RUNX1: variants seen among roughly 807,000 people sequenced by gnomAD.
RUNX1 encodes the protein runt-related transcription factor 1.
In RUNX1, 19 loss-of-function variants were observed where a neutral mutation model predicts 42.8. That is an observed-to-expected ratio of 0.44 (90% CI 0.31 to 0.65). The LOEUF (loss-of-function observed/expected upper bound fraction) is 0.65, where lower values mean the gene tolerates loss of function less well. RUNX1 is among the 30% of genes least tolerant of loss of function. The probability of loss-of-function intolerance (pLI) is 0.07; values close to 1 mark genes in which losing one functional copy is unlikely to be tolerated. For missense variants in RUNX1, 528 were observed against 672.0 expected (o/e 0.79, Z 2.37); for synonymous variants, 271 against 289.4 (o/e 0.94, Z 0.64).
rs1430566487 is a variant in RUNX1, at chr21:34,794,129, CTAATG to C, written c.968-1524_968-1520del. Among the ~76,000 whole-genome samples the C allele has an allele frequency of 3.3e-5, 5 of 152,084 alleles. No individual in the cohort carries two copies. The South Asian group carries it at 6.2e-4, about 19-fold the overall frequency. On this transcript the variant is annotated intron_variant, in intron 8 of 8. Transcript: ENST00000675419. ...TAATATAGCAGATGATAATTTGACA[CTAATG>C]TAAAGGATGCACAAATATGTTACTA...
intron 4 of RUNX1, among the ~76,000 whole-genome samples, chr21:34,881,960 T>C (rs1033671202): frequency 1.8e-4 from 28 of 152,244 alleles, no homozygotes; most frequent in Admixed American, 1.7e-3. Flanking sequence ...TGACATTCTT[T>C]ACGGTAAAGT....
chr21:34,848,417 G>A (rs981210730), intron 6 of RUNX1, among the ~76,000 whole-genome samples: 1 of 152,180 alleles, frequency 6.6e-6, no homozygotes, highest in Non-Finnish European at 1.5e-5. Context: ...CTCGCTCACC[G>A]AGGCTACCTG....
chr21:35,012,046 A>G (rs1418242252), intron 2 of RUNX1, among the ~76,000 whole-genome samples: 1 of 152,226 alleles, frequency 6.6e-6, no homozygotes, highest in Non-Finnish European at 1.5e-5. Context: ...AGCTGGTCAG[A>G]AACAAACTTT....
chr21:34,944,103 G>A (rs1047050833), intron 2 of RUNX1, among the ~76,000 whole-genome samples: 1 of 152,048 alleles, frequency 6.6e-6, no homozygotes, highest in African/African-American at 2.4e-5. Flanking sequence ...CAAACTCCTG[G>A]GCTCAAGTGA....
At chr21:34,927,781 A>T (rs2146580573) in intron 2 of RUNX1, among the ~76,000 whole-genome samples, 1 of 152,324 alleles carries the variant, frequency 6.6e-6, no homozygotes, top group South Asian at 2.1e-4. Flanking sequence ...TGCTTTGGGG[A>T]CACAAATCAA....
At chr21:34,971,641 A>G (rs1256494686) in intron 2 of RUNX1, among the ~76,000 whole-genome samples, 1 of 152,142 alleles carries the variant, frequency 6.6e-6, no homozygotes, top group African/African-American at 2.4e-5. Flanking sequence ...GGAAAGGTGC[A>G]TATCTAGCCT....
intron 2 of RUNX1, among the ~76,000 whole-genome samples, chr21:34,912,744 A>T (rs1043511319): frequency 1.3e-5 from 2 of 152,200 alleles, no homozygotes; most frequent in African/African-American, 4.8e-5. Flanking sequence ...CGGATCAGTC[A>T]CGTAATTGTT....
At chr21:34,837,973 A>G (rs2057173528) in intron 6 of RUNX1, among the ~76,000 whole-genome samples, 1 of 151,868 alleles carries the variant, frequency 6.6e-6, no homozygotes, top group Admixed American at 6.6e-5. Flanking sequence ...ATAAAAATCC[A>G]AAAAAGGGGA....
chr21:34,857,515 C>G (rs1362769383), intron 6 of RUNX1, among the ~76,000 whole-genome samples: 2 of 152,166 alleles, frequency 1.3e-5, no homozygotes, highest in Non-Finnish European at 2.9e-5. Flanking sequence ...AGAGGGTATA[C>G]CCAGGGTCAC....
At position 34,859,859 on chromosome 21, in the gene RUNX1, C is replaced by A. The variant is rs2248720; in HGVS notation, c.509-281G>T. Among the ~76,000 whole-genome samples, 87,816 of 152,092 alleles carry A rather than the reference C, an allele frequency of 0.58. 28,231 individuals are homozygous for A. Among genetic ancestry groups the A allele is most frequent in the African/African-American group, 0.85 (35,430 of 41,528 alleles). The stretch of plus-strand genomic sequence containing the variant: ...TTATTTTCTGTTAAGTCAGGATTTC[C>A]GGAAACCATAGAGTCAGATTGGCAG... On this transcript the variant is annotated intron_variant, in intron 5 of 8. Coordinates refer to ENST00000675419, the MANE Select transcript of RUNX1 (RefSeq NM_001754.5).
At chr21:34,794,665 T>C (rs1053993781) in intron 8 of RUNX1, among the ~76,000 whole-genome samples, 2 of 152,234 alleles carry the variant, frequency 1.3e-5, no homozygotes, top group Non-Finnish European at 2.9e-5. Context: ...GCATTTTTCT[T>C]ACCTACAGGC....
At chr21:34,801,034 C>G (rs774942734) in intron 7 of RUNX1, among the ~76,000 whole-genome samples, 27 of 152,092 alleles carry the variant, frequency 1.8e-4, no homozygotes, top group South Asian at 4.2e-4. Context: ...AACAGTGTTT[C>G]CAATGACTAA....
intron 2 of RUNX1, among the ~76,000 whole-genome samples, chr21:34,949,585 T>G (rs1357236713): frequency 2.0e-5 from 3 of 152,218 alleles, no homozygotes; most frequent in African/African-American, 7.2e-5. Flanking sequence ...CTTACTACAT[T>G]GGCCTCCCCT....
intron 2 of RUNX1, among the ~76,000 whole-genome samples, chr21:34,969,188 A>G (rs1360887161): frequency 6.6e-6 from 1 of 152,166 alleles, no homozygotes; most frequent in Non-Finnish European, 1.5e-5. Context: ...AAAGGCAGTA[A>G]TATTTCTCAA....
rs2057267027 is a variant in RUNX1 at position 34,843,216 on chromosome 21, AC to A, written c.614-8616del. On this transcript the variant is annotated intron_variant, in intron 6 of 8. Transcript: ENST00000675419. The surrounding 1 kb of genome is among the most constrained non-coding windows in gnomAD (Gnocchi z 4.8). ...CATACACAGACACCTGGACACACACACAGATATAAAACACACATGGGGATAC... is the reference window on the plus strand; with the variant it reads ...CATACACAGACACCTGGACACACACAAGATATAAAACACACATGGGGATAC... 6.6e-6 allele frequency among the ~76,000 whole-genome samples: 1 copy of A among 152,112 alleles called. No homozygotes were observed. Among genetic ancestry groups the A allele is most frequent in the South Asian group, 2.1e-4 (1 of 4,818 alleles).
chr21:34,870,156 C>T (rs2057716967), intron 5 of RUNX1, among the ~76,000 whole-genome samples: 2 of 152,206 alleles, frequency 1.3e-5, no homozygotes, highest in Admixed American at 6.5e-5. Flanking sequence ...TGGAAGCTCA[C>T]CCATTTAGAC....
At chr21:34,888,732 C>A in intron 3 of RUNX1, 1 of 1,010,510 alleles carries the variant, frequency 9.9e-7, no homozygotes, top group Non-Finnish European at 1.2e-6. Context: ...ACTGTAAGCC[C>A]GGCCGGAGGA....
chr21:35,012,191 G>C (rs1234889561), intron 2 of RUNX1, among the ~76,000 whole-genome samples: 1 of 152,130 alleles, frequency 6.6e-6, no homozygotes, highest in African/African-American at 2.4e-5. Flanking sequence ...TATTATTTGT[G>C]TATGTGTCTG....
chr21:34,846,194 C>CTTTTTTTTTT lies in RUNX1; in HGVS notation c.614-11603_614-11594dup, dbSNP rs5843687. On this transcript the variant is annotated intron_variant, in intron 6 of 8. Coordinates refer to ENST00000675419, the MANE Select transcript of RUNX1 (RefSeq NM_001754.5). ...GAGTACTTTGTGGGTTTAAGGATGT[C>CTTTTTTTTTT]TTTTTTTTTTTTTTTTTTTTTCAAA... Among the ~76,000 whole-genome samples the CTTTTTTTTTT allele has an allele frequency of 2.6e-3, 263 of 102,250 alleles. 3 individuals are homozygous for CTTTTTTTTTT. The highest frequency in any genetic ancestry group is 0.015 in the South Asian group (39 of 2,652). The allele number at this position is 102,250 out of a possible 152,430, so 67.1% of individuals were successfully genotyped here.
Sources: allele counts gnomAD v4.1 joint callset (sites outside exome capture counted in the v4.1 genomes callset), GRCh38; gene constraint gnomAD v4.1.1; non-coding constraint Gnocchi (gnomAD v3.1); transcripts MANE v1.5; gene names NCBI Gene and HGNC (gene_info 2026-07-23, HGNC 2026-07-21).